The following CACNA1G variants were observed in gnomAD, a reference collection of about 807,000 sequenced individuals.
CACNA1G encodes voltage-dependent T-type calcium channel subunit alpha-1G.
A neutral mutation model predicts 219.4 loss-of-function variants in CACNA1G; 67 were observed. The ratio of observed to expected loss-of-function variants is 0.31; its 90% confidence interval spans 0.25 to 0.37. The LOEUF (loss-of-function observed/expected upper bound fraction) is 0.37, where lower values mean the gene tolerates loss of function less well. CACNA1G is among the 10% of genes least tolerant of loss of function. The pLI, the probability that CACNA1G is intolerant of heterozygous loss-of-function variation, is 1.00. For synonymous variants in CACNA1G, 1,296 were observed against 1,345.3 expected (o/e 0.96, Z 0.80); for missense variants, 2,380 against 3,231.4 (o/e 0.74, Z 6.39).
chr17:50,593,720 A>G lies in CACNA1G; in HGVS notation c.2911-1273A>G, dbSNP rs114323784. Among the ~76,000 whole-genome samples, 675 of 152,276 alleles carry G rather than the reference A, an allele frequency of 4.4e-3. 8 individuals are homozygous for G. The highest frequency in any genetic ancestry group is 0.015 in the African/African-American group (625 of 41,556). ...TCAGGACCTTTGCAGGGAGGGTCTC[A>G]CTCAGGATGCGGTGTCTTGGGCTGG... On this transcript the variant is annotated intron_variant, in intron 13 of 37. Coordinates refer to ENST00000359106, the MANE Select transcript of CACNA1G (RefSeq NM_018896.5).
rs372083758 is a variant in CACNA1G, at chr17:50,623,942, C to T, written c.6096C>T (p.Asp2032=). ...QPHPTELPGP[D]LLTVRKSGVS... is the part of the protein sequence containing the mutation. ...ACCCCACGGAGCTGCCAGGACCAGA[C>T]TTACTGACTGTGCGGAAGTCTGGGG... is the stretch of plus-strand genomic sequence containing the variant. The change falls in exon 36 of 38, where the codon GAC becomes GAT. Residue 2032 remains aspartate (D), a synonymous_variant. Transcript: ENST00000359106. 4.1e-5 allele frequency: 66 copies of T among 1,613,174 alleles called. No individual in the cohort carries two copies. The highest frequency in any genetic ancestry group is 1.1e-4 in the African/African-American group (8 of 74,928).
In CACNA1G at chr17:50,599,568, G is replaced by T. The variant is rs779883029; in HGVS notation, c.3399G>T (p.Ser1133=). The stretch of plus-strand genomic sequence containing the variant: ...GTGGAGAGCGGCGGTCCCTGTTGTC[G>T]GGAGAAGGCCAGGAGAGCCAGGATG... ...SPSGERRSLL[S]GEGQESQDEE... is the part of the protein sequence containing the mutation. The change falls in exon 17 of 38, where the codon TCG becomes TCT. Residue 1133 remains serine, a synonymous_variant. Coordinates refer to ENST00000359106, the MANE Select transcript of CACNA1G (RefSeq NM_018896.5). 1.2e-5 allele frequency: 20 copies of T among 1,612,800 alleles called. 1 individual carries two copies. In the South Asian group the frequency reaches 2.0e-4, roughly 16 times the overall value.
rs1281962122 is a variant in CACNA1G at position 50,607,931 on chromosome 17, C to T, written c.4617C>T (p.Asn1539=). ...TGTTTGTGGGTGTGGTGGTGGAGAACTTCCACAAGTGTCGGCAGCACCAGG... is the reference window on the plus strand; with the variant it reads ...TGTTTGTGGGTGTGGTGGTGGAGAATTTCCACAAGTGTCGGCAGCACCAGG... ...LNMFVGVVVE[N]FHKCRQHQEE... The change falls in exon 25 of 38, where the codon AAC becomes AAT. Residue 1539 remains asparagine (N), a synonymous_variant. Transcript: ENST00000359106. 3.7e-6 allele frequency: 6 copies of T among 1,614,040 alleles called. No homozygotes were observed. In the South Asian group the frequency reaches 6.6e-5, roughly 18 times the overall value.
chr17:50,577,581 T>G (rs107067), intron 8 of CACNA1G, among the ~76,000 whole-genome samples: 1 of 150,830 alleles, frequency 6.6e-6, no homozygotes, highest in Non-Finnish European at 1.5e-5. Context: ...GCATGTGCGA[T>G]GTGAAGCTCT....
intron 11 of CACNA1G, 42 bp downstream of exon 11, chr17:50,591,662 G>T: frequency 6.2e-7 from 1 of 1,610,318 alleles, no homozygotes; most frequent in African/African-American, 1.3e-5. Context: ...AGACCGGCCA[G>T]GCTGGGGGCA....
intron 34 of CACNA1G, 103 bp downstream of exon 34, chr17:50,619,929 A>T: frequency 8.2e-7 from 1 of 1,226,790 alleles, no homozygotes; most frequent in South Asian, 1.6e-5. Context: ...CCCACTGGGT[A>T]TCTGTAGAAA....
In CACNA1G at chr17:50,604,367, C is replaced by T. The variant is rs1279329430; in HGVS notation, c.4296+86C>T. ...CCCCTGGGTCCTATGGCTCAAGCTGCTGTTGCTGCCTTCATTCCAGAAAGG... is the reference window on the plus strand; with the variant it reads ...CCCCTGGGTCCTATGGCTCAAGCTGTTGTTGCTGCCTTCATTCCAGAAAGG... On this transcript the variant is annotated intron_variant, in intron 22 of 37. Transcript: ENST00000359106. 2.7e-6 allele frequency: 4 copies of T among 1,484,342 alleles called. No homozygotes were observed. The African/African-American group carries it at 4.2e-5, about 15-fold the overall frequency. The allele number at this position is 1,484,342 out of a possible 1,614,324, so 91.9% of individuals were successfully genotyped here. A position where few individuals can be genotyped will look rare whatever the true frequency, so the allele number is the denominator to read the frequency against.
Position 50,596,553 on chromosome 17 carries a change from C to T in CACNA1G, c.2980-9C>T. 1.2e-6 allele frequency: 2 copies of T among 1,613,284 alleles called. No homozygotes were observed. The highest frequency in any genetic ancestry group is 1.7e-6 in the Non-Finnish European group (2 of 1,179,230). ...GGATCCCTAATGGTCCGCTGCTCCC[C>T]TGCCCTAGGGAGATGCCAACAAGTC... is the stretch of plus-strand genomic sequence containing the variant. On this transcript the variant is annotated splice_polypyrimidine_tract_variant and intron_variant, in intron 14 of 37. Coordinates refer to ENST00000359106, the MANE Select transcript of CACNA1G (RefSeq NM_018896.5). The surrounding 1 kb of genome is among the most constrained non-coding windows in gnomAD (Gnocchi z 4.8).
At chr17:50,625,966 T>A (rs1329530213) in intron 37 of CACNA1G, 51 bp from the exon 38 acceptor site, 1 of 1,546,802 alleles carries the variant, frequency 6.5e-7, no homozygotes, top group Non-Finnish European at 8.8e-7. Flanking sequence ...GGAGGGCTAG[T>A]CCATGCTGGA....
chr17:50,589,894 T>TTCTCTCTCTCTCTCTC (rs35679930), intron 9 of CACNA1G, among the ~76,000 whole-genome samples: 2 of 138,926 alleles, frequency 1.4e-5, no homozygotes, highest in Admixed American at 7.1e-5. Flanking sequence ...GCGTGCATTT[T>TTCTCTCTCTCTCTCTC]TCTCTCTCTC....
chr17:50,607,614 C>T (rs1232936964), intron 24 of CACNA1G: 1 of 549,844 alleles, frequency 1.8e-6, no homozygotes, highest in East Asian at 3.0e-5. Flanking sequence ...TCAGCCAGAA[C>T]AAAGAGGCAG....
intron 9 of CACNA1G, among the ~76,000 whole-genome samples, chr17:50,581,177 A>G (rs1261978196): frequency 6.6e-6 from 1 of 151,848 alleles, no homozygotes; most frequent in Non-Finnish European, 1.5e-5. Flanking sequence ...CAGCGGAGAC[A>G]GACAGAGACA....
chr17:50,575,439 C>A (rs2040443982), intron 7 of CACNA1G, 104 bp from the exon 8 acceptor site: 4 of 1,154,036 alleles, frequency 3.5e-6, no homozygotes, highest in Admixed American at 5.6e-5. Context: ...TGGAAAATAA[C>A]TGAGCGTGGC....
At chr17:50,595,866 T>G (rs1234241187) in intron 14 of CACNA1G, among the ~76,000 whole-genome samples, 1 of 152,254 alleles carries the variant, frequency 6.6e-6, no homozygotes, top group African/African-American at 2.4e-5. Flanking sequence ...TTACCCAATA[T>G]TTATGTCCTT....
chr17:50,572,971 A>T, intron 6 of CACNA1G, 50 bp from the exon 7 acceptor site: 2 of 1,562,534 alleles, frequency 1.3e-6, no homozygotes, highest in Non-Finnish European at 1.7e-6. Context: ...GAGGAGACTG[A>T]AGGAGGATTT....
intron 9 of CACNA1G, among the ~76,000 whole-genome samples, chr17:50,582,011 C>A (rs574285803): frequency 6.6e-6 from 1 of 152,324 alleles, no homozygotes; most frequent in South Asian, 2.1e-4. Flanking sequence ...ACGATTCCAC[C>A]GAATGTGGGG....
In CACNA1G at chr17:50,604,021, A is replaced by G. The variant is rs139712052; in HGVS notation, c.4170-134A>G. 3 of 829,162 alleles carry G rather than the reference A, an allele frequency of 3.6e-6. No individual in the cohort carries two copies. In the East Asian group the frequency reaches 8.5e-5, roughly 24 times the overall value. 51.4% of individuals were successfully genotyped at this position (829,162 alleles called of 1,614,324 possible). On this transcript the variant is annotated intron_variant, in intron 21 of 37. Transcript: ENST00000359106. ...TCCTGATGGCAGGGGTCCCATGAAA[A>G]GAGGACTTGTGTTCTGCCACCAGAG...
rs1289288606 is a variant in CACNA1G, at chr17:50,618,171, A to G, written c.5305+45A>G. 6.2e-7 allele frequency: 1 copy of G among 1,612,884 alleles called. No homozygotes were observed. The highest frequency in any genetic ancestry group is 8.5e-7 in the Non-Finnish European group (1 of 1,179,122). ...GGTGGAGGAGCCAGGGCTGGAGACC[A>G]GGGGGCTCCTGGACTAACATGGGCC... On this transcript the variant is annotated intron_variant, in intron 31 of 37. Transcript: ENST00000359106. This position sits in a 1 kb window ranked among gnomAD's most constrained non-coding sequence, Gnocchi z 5.3.
chr17:50,583,538 A>G (rs1296256105), intron 9 of CACNA1G, among the ~76,000 whole-genome samples: 1 of 152,068 alleles, frequency 6.6e-6, no homozygotes, highest in African/African-American at 2.4e-5. Flanking sequence ...GCCGCAAGAG[A>G]GGCTTCAGGG....
Sources: gnomAD v4.1 joint callset for allele counts (sites outside exome capture counted in the v4.1 genomes callset) on GRCh38, gnomAD v4.1.1 for gene constraint, Gnocchi (gnomAD v3.1) non-coding constraint, MANE v1.5 for transcripts, NCBI Gene and HGNC (gene_info 2026-07-23, HGNC 2026-07-21) for gene names.